ADAMTS2: variants seen among roughly 807,000 people sequenced by gnomAD.
ADAMTS2 encodes the protein ADAM metallopeptidase with thrombospondin type 1 motif 2.
Under a neutral mutation model 123.0 loss-of-function variants are expected in ADAMTS2, and 50 were observed. The observed-to-expected ratio is 0.41, with a 90% CI of 0.32 to 0.51. The LOEUF (loss-of-function observed/expected upper bound fraction) is 0.51, where lower values mean the gene tolerates loss of function less well. Among genes scored for constraint, ADAMTS2 ranks in the 20% least tolerant of loss-of-function variants. The pLI, the probability that ADAMTS2 is intolerant of heterozygous loss-of-function variation, is 0.35. For synonymous variants in ADAMTS2, 678 were observed against 695.4 expected, an observed-to-expected ratio of 0.98 and a Z score of 0.39; for missense variants, 1,494 against 1,705.2, an observed-to-expected ratio of 0.88 and a Z score of 2.18.
chr5:179,239,998 G>A (rs1399609753), intron 3 of ADAMTS2, among the ~76,000 whole-genome samples: 1 of 152,182 alleles, frequency 6.6e-6, no homozygotes, highest in Non-Finnish European at 1.5e-5. Context: ...TCCAAGTGGG[G>A]TTAAGACACA....
Position 179,343,997 on chromosome 5 carries a change from C to A in ADAMTS2, c.304G>T (p.Glu102Ter). The A allele has an allele frequency of 6.2e-7, 1 of 1,612,708 alleles. No individual in the cohort carries two copies. The highest frequency in any genetic ancestry group is 8.5e-7 in the Non-Finnish European group (1 of 1,179,870). ...VRTPSFPGGN[E>*]EEPGSHLFYN... The stretch of plus-strand genomic sequence containing the variant: ...AAGAGGTGACTGCCAGGCTCCTCCT[C>A]GTTGCCTCCGGGGAAGCTCGGGGTC... Residue 102 changes from glutamate to a stop codon, truncating the protein, a stop_gained, in exon 2 of 22, where the codon GAG becomes TAG. Coordinates refer to ENST00000251582, the MANE Select transcript of ADAMTS2 (RefSeq NM_014244.5). LOFTEE classifies it high-confidence loss of function.
At chr5:179,339,187 G>A (rs992266747) in intron 2 of ADAMTS2, among the ~76,000 whole-genome samples, 4 of 152,192 alleles carry the variant, frequency 2.6e-5, no homozygotes, top group African/African-American at 4.8e-5. Context: ...AGGTGGGCAG[G>A]AGACCTGGGC....
Position 179,262,439 on chromosome 5 carries a change from C to T in ADAMTS2, c.688+10472G>A, listed in dbSNP as rs1321672168. On this transcript the variant is annotated intron_variant, in intron 3 of 21. Transcript: ENST00000251582. This position sits in a 1 kb window ranked among gnomAD's most constrained non-coding sequence, Gnocchi z 5.9. ...AAACCCTCCAAAGGCCTCCACCGCA[C>T]AGGGAATGAATTCTCACCCCGTACC... is the stretch of plus-strand genomic sequence containing the variant. Among the ~76,000 whole-genome samples the T allele has an allele frequency of 6.6e-6, 1 of 152,104 alleles. No homozygotes were observed. Among genetic ancestry groups the T allele is most frequent in the Non-Finnish European group, 1.5e-5 (1 of 68,026 alleles).
At chr5:179,210,393 C>T (rs1045579812) in intron 3 of ADAMTS2, among the ~76,000 whole-genome samples, 1 of 152,258 alleles carries the variant, frequency 6.6e-6, no homozygotes, top group Non-Finnish European at 1.5e-5. Flanking sequence ...CTGTGTGTTG[C>T]AAGCCCATTA....
chr5:179,287,731 G>GCGGGTGCTCCTCCAGGAGGGGC (rs1206851185), intron 2 of ADAMTS2, among the ~76,000 whole-genome samples: 5 of 152,218 alleles, frequency 3.3e-5, no homozygotes, highest in African/African-American at 1.2e-4. Flanking sequence ...CCTTCCCACA[G>GCGGGTGCTCCTCCAGGAGGGGC]CGGGTGCTCC....
At chr5:179,196,177 G>A (rs1337750627) in intron 4 of ADAMTS2, among the ~76,000 whole-genome samples, 1 of 152,142 alleles carries the variant, frequency 6.6e-6, no homozygotes, top group Non-Finnish European at 1.5e-5. Context: ...GTAAGTCCAG[G>A]CCAATTTCTG....
intron 2 of ADAMTS2, among the ~76,000 whole-genome samples, chr5:179,278,172 G>A (rs955017497): frequency 4.0e-5 from 4 of 100,836 alleles, no homozygotes; most frequent in South Asian, 8.2e-4. Flanking sequence ...TGACCCCCCC[G>A]AGACCAAAGG....
chr5:179,125,431 C>T (rs997379344), intron 18 of ADAMTS2, among the ~76,000 whole-genome samples: 3 of 152,200 alleles, frequency 2.0e-5, no homozygotes, highest in African/African-American at 7.2e-5. Context: ...CACTGGGAGG[C>T]CCTGGTGGAG....
rs1762985330 is a variant in ADAMTS2 at position 179,132,675 on chromosome 5, A to G, written c.2209+102T>C. The G allele has an allele frequency of 3.9e-6, 6 of 1,538,162 alleles. No homozygotes were observed. The highest frequency in any genetic ancestry group is 4.5e-6 in the Non-Finnish European group (5 of 1,120,552). On this transcript the variant is annotated intron_variant, in intron 14 of 21. Transcript: ENST00000251582. The surrounding 1 kb of genome is among the most constrained non-coding windows in gnomAD (Gnocchi z 6.1). Reference sequence around the variant, plus strand: ...ACCTCTCCCCCTCCCCAGAACAGTCATAAGCCCGGACAGCCCCAGGATGAG... The same window carrying G: ...ACCTCTCCCCCTCCCCAGAACAGTCGTAAGCCCGGACAGCCCCAGGATGAG...
At chr5:179,153,358 G>C in intron 9 of ADAMTS2, 133 bp downstream of exon 9, 1 of 1,391,020 alleles carries the variant, frequency 7.2e-7, no homozygotes, top group South Asian at 1.3e-5. Context: ...CAGAGGGACA[G>C]GCTGCCACTC....
chr5:179,208,160 C>A (rs1247347904), intron 3 of ADAMTS2, among the ~76,000 whole-genome samples: 2 of 151,354 alleles, frequency 1.3e-5, no homozygotes, highest in Admixed American at 6.6e-5. Context: ...GCCCACACTG[C>A]CCGATGCTGG....
At position 179,200,469 on chromosome 5, in the gene ADAMTS2, G is replaced by A. The variant is rs141305596; in HGVS notation, c.891+7044C>T. Among the ~76,000 whole-genome samples the A allele has an allele frequency of 2.1e-3, 316 of 151,994 alleles. 1 individual carries two copies. Among genetic ancestry groups the A allele is most frequent in the Middle Eastern group, 0.014 (4 of 294 alleles). On this transcript the variant is annotated intron_variant, in intron 4 of 21. Transcript: ENST00000251582. ...TTGTCATGTTGGCCAGGCTCGTCTCGAACTCTTGACCTCAAGTGATCCGCC... is the reference window on the plus strand; with the variant it reads ...TTGTCATGTTGGCCAGGCTCGTCTCAAACTCTTGACCTCAAGTGATCCGCC...
chr5:179,338,062 C>G (rs1757669591), intron 2 of ADAMTS2, among the ~76,000 whole-genome samples: 1 of 152,248 alleles, frequency 6.6e-6, no homozygotes, highest in African/African-American at 2.4e-5. Context: ...GCCTGCCACA[C>G]CTGAATGAGC....
At chr5:179,237,385 C>G (rs1047594644) in intron 3 of ADAMTS2, among the ~76,000 whole-genome samples, 3 of 152,188 alleles carry the variant, frequency 2.0e-5, no homozygotes, top group African/African-American at 7.2e-5. Context: ...AGAAGGTAGG[C>G]CCTCAGCAGA....
chr5:179,327,761 G>C (rs950125110), intron 2 of ADAMTS2, among the ~76,000 whole-genome samples: 1 of 152,172 alleles, frequency 6.6e-6, no homozygotes, highest in African/African-American at 2.4e-5. Context: ...CCTTAGAAGC[G>C]GGGCTAGATG....
chr5:179,223,943 G>A lies in ADAMTS2; in HGVS notation c.689-16228C>T, dbSNP rs542766113. ...CTAAGTCCCCAGGTACCCACATGGG[G>A]CTTGGCAAAATGAATAAATAAACGG... is the stretch of plus-strand genomic sequence containing the variant. On this transcript the variant is annotated intron_variant, in intron 3 of 21. Coordinates refer to ENST00000251582, the MANE Select transcript of ADAMTS2 (RefSeq NM_014244.5). Among the ~76,000 whole-genome samples, 65 of 152,374 alleles carry A rather than the reference G, an allele frequency of 4.3e-4. 1 individual carries two copies. The highest frequency in any genetic ancestry group is 4.0e-3 in the Admixed American group (62 of 15,310).
At chr5:179,322,562 G>A (rs1448631678) in intron 2 of ADAMTS2, among the ~76,000 whole-genome samples, 1 of 152,216 alleles carries the variant, frequency 6.6e-6, no homozygotes, top group African/African-American at 2.4e-5. Flanking sequence ...GGAGACGCGA[G>A]GAGGCCGTGA....
intron 2 of ADAMTS2, among the ~76,000 whole-genome samples, chr5:179,322,560 G>A (rs917266528): frequency 3.4e-4 from 52 of 152,292 alleles, no homozygotes; most frequent in African/African-American, 6.0e-4. Flanking sequence ...CGGGAGACGC[G>A]AGGAGGCCGT....
intron 3 of ADAMTS2, among the ~76,000 whole-genome samples, chr5:179,240,118 G>A (rs1236421558): frequency 2.6e-5 from 4 of 152,202 alleles, no homozygotes; most frequent in Non-Finnish European, 4.4e-5. Context: ...GTGTGAATGC[G>A]GATAGGGAGC....
Sources: gnomAD v4.1 joint callset for allele counts (sites outside exome capture counted in the v4.1 genomes callset) on GRCh38, gnomAD v4.1.1 for gene constraint, Gnocchi (gnomAD v3.1) non-coding constraint, MANE v1.5 for transcripts, NCBI Gene and HGNC (gene_info 2026-07-23, HGNC 2026-07-21) for gene names.